ADAMTS17: variants seen among roughly 807,000 people sequenced by gnomAD.
ADAMTS17 encodes A disintegrin and metalloproteinase with thrombospondin motifs 17.
In ADAMTS17, 113 loss-of-function variants were observed where a neutral mutation model predicts 141.5. That is an observed-to-expected ratio of 0.80 (90% CI 0.69 to 0.93). The LOEUF (loss-of-function observed/expected upper bound fraction) is 0.93, where lower values mean the gene tolerates loss of function less well. Among genes scored for constraint, ADAMTS17 ranks in the 40% least tolerant of loss-of-function variants. ADAMTS17 has a pLI of 0.00. For synonymous variants in ADAMTS17, 768 were observed against 630.6 expected, an observed-to-expected ratio of 1.22 and a Z score of -3.27; for missense variants, 1,659 against 1,517.9, an observed-to-expected ratio of 1.09 and a Z score of -1.54.
At chr15:99,987,134 C>T (rs1643291967) in intron 20 of ADAMTS17, among the ~76,000 whole-genome samples, 4 of 152,240 alleles carry the variant, frequency 2.6e-5, no homozygotes, top group Admixed American at 2.6e-4. Flanking sequence ...GCACCTGCAG[C>T]ATGCTCTTGG....
intron 3 of ADAMTS17, among the ~76,000 whole-genome samples, chr15:100,291,974 A>G (rs1024628518): frequency 6.6e-6 from 1 of 152,280 alleles, no homozygotes; most frequent in Non-Finnish European, 1.5e-5. Flanking sequence ...TACCAACTAA[A>G]GGTCAACACG....
intron 15 of ADAMTS17, among the ~76,000 whole-genome samples, chr15:100,055,694 A>G (rs920806398): frequency 2.0e-5 from 3 of 152,236 alleles, no homozygotes; most frequent in African/African-American, 7.2e-5. Context: ...TGTCCTGGCT[A>G]TGAAAAGGAG....
intron 3 of ADAMTS17, among the ~76,000 whole-genome samples, chr15:100,300,149 G>A (rs1255593377): frequency 6.6e-6 from 1 of 152,110 alleles, no homozygotes; most frequent in Non-Finnish European, 1.5e-5. Context: ...CCTCCAACAT[G>A]CCCAGGGCTG....
intron 3 of ADAMTS17, among the ~76,000 whole-genome samples, chr15:100,312,553 A>C (rs546503009): frequency 2.0e-5 from 3 of 152,338 alleles, no homozygotes; most frequent in African/African-American, 7.2e-5. Context: ...GGTAATAAGA[A>C]AGTAATGCCT....
At chr15:100,223,715 A>G (rs2042208711) in intron 7 of ADAMTS17, among the ~76,000 whole-genome samples, 1 of 150,690 alleles carries the variant, frequency 6.6e-6, no homozygotes, top group Admixed American at 6.6e-5. Context: ...ATATGTATAT[A>G]CATATAGTGT....
intron 13 of ADAMTS17, among the ~76,000 whole-genome samples, chr15:100,115,127 A>G (rs1269263412): frequency 2.6e-5 from 4 of 152,152 alleles, no homozygotes; most frequent in African/African-American, 9.7e-5. Context: ...TGCCGGGGAA[A>G]GCTGAAGGTT....
At chr15:100,148,239 C>T (rs1343585807) in intron 10 of ADAMTS17, among the ~76,000 whole-genome samples, 2 of 152,236 alleles carry the variant, frequency 1.3e-5, no homozygotes, top group Non-Finnish European at 2.9e-5. Flanking sequence ...TACTGTTTTT[C>T]ATAAAACACA....
chr15:100,085,739 C>A (rs1003753247), intron 15 of ADAMTS17, among the ~76,000 whole-genome samples: 2 of 149,578 alleles, frequency 1.3e-5, no homozygotes, highest in Non-Finnish European at 2.9e-5. Context: ...TCATATCCAG[C>A]CAAACTAAGC....
At chr15:100,120,654 T>C (rs2037405499) in intron 12 of ADAMTS17, among the ~76,000 whole-genome samples, 1 of 152,220 alleles carries the variant, frequency 6.6e-6, no homozygotes, top group African/African-American at 2.4e-5. Context: ...AAAAAAGACC[T>C]GATAAGACCT....
chr15:100,040,840 A>G (rs560628792), intron 18 of ADAMTS17, among the ~76,000 whole-genome samples: 2 of 152,214 alleles, frequency 1.3e-5, no homozygotes, highest in African/African-American at 2.4e-5. Flanking sequence ...TTGGCAATCT[A>G]AATTTCTCCT....
chr15:100,256,065 T>G (rs2043316379), intron 6 of ADAMTS17, among the ~76,000 whole-genome samples: 1 of 152,264 alleles, frequency 6.6e-6, no homozygotes, highest in Non-Finnish European at 1.5e-5. Flanking sequence ...GCCACCTGCC[T>G]GCAGGGGCTG....
chr15:100,310,181 A>G (rs897595026), intron 3 of ADAMTS17, among the ~76,000 whole-genome samples: 1 of 152,200 alleles, frequency 6.6e-6, no homozygotes, highest in Non-Finnish European at 1.5e-5. Context: ...ACTGCCTCCC[A>G]GAAAGGAAAC....
intron 7 of ADAMTS17, among the ~76,000 whole-genome samples, chr15:100,217,599 A>C (rs754069512): frequency 6.6e-6 from 1 of 152,214 alleles, no homozygotes; most frequent in Non-Finnish European, 1.5e-5. Context: ...GACTCTTCTC[A>C]AAAACAAACA....
At chr15:100,328,670 A>G (rs1277177495) in intron 3 of ADAMTS17, among the ~76,000 whole-genome samples, 1 of 152,204 alleles carries the variant, frequency 6.6e-6, no homozygotes, top group Non-Finnish European at 1.5e-5. Context: ...TAAACAGTCT[A>G]TCAAAAGAAT....
chr15:100,326,914 G>GT (rs2045918410), intron 3 of ADAMTS17, among the ~76,000 whole-genome samples: 1 of 152,212 alleles, frequency 6.6e-6, no homozygotes, highest in African/African-American at 2.4e-5. Context: ...TGAAGCTTGG[G>GT]TAAGTGTTAC....
intron 13 of ADAMTS17, among the ~76,000 whole-genome samples, chr15:100,113,983 GA>G (rs2036954641): frequency 6.6e-6 from 1 of 152,232 alleles, no homozygotes; most frequent in Non-Finnish European, 1.5e-5. Flanking sequence ...GATTCCATGA[GA>G]AAAGCAGAAA....
chr15:100,172,227 G>A (rs2040187210), intron 8 of ADAMTS17, among the ~76,000 whole-genome samples: 1 of 152,146 alleles, frequency 6.6e-6, no homozygotes, highest in African/African-American at 2.4e-5. Flanking sequence ...CTGGTGCCTG[G>A]CTCCCTCAAT....
chr15:99,997,264 A>G lies in ADAMTS17; in HGVS notation c.2796+121T>C. On this transcript the variant is annotated intron_variant, in intron 19 of 21. Coordinates refer to ENST00000268070, the MANE Select transcript of ADAMTS17 (RefSeq NM_139057.4). This position sits in a 1 kb window ranked among gnomAD's most constrained non-coding sequence, Gnocchi z 4.7. ...GGAAATTAAGAACACATGAGCTATAACACAACTTCAAGCTGACCTGGGGGC... is the reference window on the plus strand; with the variant it reads ...GGAAATTAAGAACACATGAGCTATAGCACAACTTCAAGCTGACCTGGGGGC... 1.8e-6 allele frequency: 2 copies of G among 1,112,706 alleles called. No individual in the cohort carries two copies. Among genetic ancestry groups the G allele is most frequent in the Admixed American group, 3.4e-5 (2 of 58,498 alleles). 68.9% of individuals were successfully genotyped at this position (1,112,706 alleles called of 1,614,324 possible). A position where few individuals can be genotyped will look rare whatever the true frequency, so the allele number is the denominator to read the frequency against.
At chr15:100,106,398 C>T (rs1229303067) in intron 14 of ADAMTS17, among the ~76,000 whole-genome samples, 1 of 152,264 alleles carries the variant, frequency 6.6e-6, no homozygotes, top group Non-Finnish European at 1.5e-5. Flanking sequence ...ATGCTATCCT[C>T]ATGACCACAG....
Sources: gnomAD v4.1 joint callset for allele counts (sites outside exome capture counted in the v4.1 genomes callset) on GRCh38, gnomAD v4.1.1 for gene constraint, Gnocchi (gnomAD v3.1) non-coding constraint, MANE v1.5 for transcripts, NCBI Gene and HGNC (gene_info 2026-07-23, HGNC 2026-07-21) for gene names.